The following PKNOX2 variants were observed in gnomAD, a reference collection of about 807,000 sequenced individuals.
PKNOX2 encodes PBX/knotted 1 homeobox 2.
PKNOX2 carries 14 observed loss-of-function variants against 53.1 expected under a neutral mutation model. The observed-to-expected ratio is 0.26, with a 90% CI of 0.17 to 0.41. The LOEUF is 0.41. PKNOX2 is among the 10% of genes least tolerant of loss of function. PKNOX2 has a pLI of 1.00. For missense variants in PKNOX2, 496 were observed against 602.8 expected, an observed-to-expected ratio of 0.82 and a Z score of 1.85; for synonymous variants, 257 against 242.8, an observed-to-expected ratio of 1.06 and a Z score of -0.54.
chr11:125,248,942 G>A (rs930203231), intron 2 of PKNOX2, among the ~76,000 whole-genome samples: 14 of 113,806 alleles, frequency 1.2e-4, no homozygotes, highest in East Asian at 2.6e-4. Context: ...ATTATATAAC[G>A]TATATACATG....
chr11:125,238,172 A>G (rs1432315956), intron 2 of PKNOX2, among the ~76,000 whole-genome samples: 1 of 152,224 alleles, frequency 6.6e-6, no homozygotes, highest in Non-Finnish European at 1.5e-5. Flanking sequence ...GGGGATAGAA[A>G]AAAAGCCCAA....
chr11:125,410,104 G>C lies in PKNOX2; in HGVS notation c.589-92G>C, dbSNP rs553798326. On this transcript the variant is annotated intron_variant, in intron 7 of 12. Coordinates refer to ENST00000298282, the MANE Select transcript of PKNOX2 (RefSeq NM_001382323.2). ...GAGCTAGAAGGAGGGAGGGGGGCAG[G>C]CAGGAAGGGGAAAGGACGGAAGAGG... 268 of 1,498,074 alleles carry C rather than the reference G, an allele frequency of 1.8e-4. 4 individuals carry two copies. The African/African-American group carries it at 3.4e-3, about 19-fold the overall frequency. The allele number at this position is 1,498,074 out of a possible 1,614,324, so 92.8% of individuals were successfully genotyped here. A position where few individuals can be genotyped will look rare whatever the true frequency, so the allele number is the denominator to read the frequency against.
At chr11:125,225,609 C>T (rs977210787) in intron 1 of PKNOX2, among the ~76,000 whole-genome samples, 8 of 152,158 alleles carry the variant, frequency 5.3e-5, no homozygotes, top group Admixed American at 4.6e-4. Context: ...GCACAGCCCA[C>T]GGTAGCAATG....
At chr11:125,334,856 G>A (rs957640696) in intron 3 of PKNOX2, among the ~76,000 whole-genome samples, 1 of 151,774 alleles carries the variant, frequency 6.6e-6, no homozygotes, top group South Asian at 2.1e-4. Flanking sequence ...TGCCTGCCTC[G>A]GCCTCCCAAA....
intron 10 of PKNOX2, among the ~76,000 whole-genome samples, chr11:125,428,684 C>T (rs1416232238): frequency 3.3e-5 from 5 of 152,138 alleles, no homozygotes; most frequent in South Asian, 2.1e-4. Context: ...CTGCTGGGGG[C>T]GGCAGTGAGG....
intron 1 of PKNOX2, among the ~76,000 whole-genome samples, chr11:125,172,402 C>T (rs1955393022): frequency 6.6e-6 from 1 of 152,188 alleles, no homozygotes; most frequent in Non-Finnish European, 1.5e-5. Context: ...CTAAGATCCC[C>T]TTTTTCCCTA....
In PKNOX2 at chr11:125,315,306, A is replaced by AAAAAAAAAAAAAAAAAAAAAAAC. The variant is rs1949093164; in HGVS notation, c.-129-16511_-129-16489dup. Among the ~76,000 whole-genome samples the AAAAAAAAAAAAAAAAAAAAAAAC allele has an allele frequency of 1.7e-5, 2 of 118,962 alleles. 1 individual carries two copies. The highest frequency in any genetic ancestry group is 1.1e-4 in the African/African-American group (2 of 18,236). The allele number at this position is 118,962 out of a possible 152,430, so 78.0% of individuals were successfully genotyped here. Reference sequence around the variant, plus strand: ...CACTTTACTGTTTGTGAAGCAGGAAAAAAAAAAAAAAAAAAAAAAAAACAC... The same window carrying AAAAAAAAAAAAAAAAAAAAAAAC: ...CACTTTACTGTTTGTGAAGCAGGAAAAAAAAAAAAAAAAAAAAAAAAACAAAAAAAAAAAAAAAAAAAAAACAC... On this transcript the variant is annotated intron_variant, in intron 2 of 12. Coordinates refer to ENST00000298282, the MANE Select transcript of PKNOX2 (RefSeq NM_001382323.2).
chr11:125,182,054 A>G (rs935649215), intron 1 of PKNOX2, among the ~76,000 whole-genome samples: 9 of 152,344 alleles, frequency 5.9e-5, no homozygotes, highest in Non-Finnish European at 1.0e-4. Context: ...TGCTCTCCTC[A>G]GCGGAGTTAC....
At chr11:125,393,004 T>TAAA (rs576280119) in intron 6 of PKNOX2, among the ~76,000 whole-genome samples, 11 of 145,464 alleles carry the variant, frequency 7.6e-5, no homozygotes, top group East Asian at 2.0e-4. Flanking sequence ...TAAAAATACA[T>TAAA]AAAAAAAAAA....
intron 2 of PKNOX2, among the ~76,000 whole-genome samples, chr11:125,312,335 C>A (rs1948860234): frequency 6.6e-6 from 1 of 152,126 alleles, no homozygotes. Context: ...AGGGGAGGAC[C>A]AGGAAGGCAA....
chr11:125,313,499 T>A (rs1165383582), intron 2 of PKNOX2, among the ~76,000 whole-genome samples: 1 of 152,202 alleles, frequency 6.6e-6, no homozygotes, highest in Admixed American at 6.5e-5. Flanking sequence ...TCCTGCTGGC[T>A]GTGAGCACTG....
intron 2 of PKNOX2, among the ~76,000 whole-genome samples, chr11:125,270,319 T>C (rs1249706304): frequency 6.6e-6 from 1 of 152,182 alleles, no homozygotes; most frequent in Non-Finnish European, 1.5e-5. Context: ...CCTCTGCAGG[T>C]GGGTGAATGG....
intron 1 of PKNOX2, among the ~76,000 whole-genome samples, chr11:125,202,835 T>G (rs1475170872): frequency 6.6e-6 from 1 of 152,190 alleles, no homozygotes; most frequent in Non-Finnish European, 1.5e-5. Context: ...TTTTTCTTTT[T>G]AGAGATGGGC....
intron 8 of PKNOX2, 75 bp from the exon 9 acceptor site, chr11:125,410,704 G>A: frequency 8.6e-7 from 1 of 1,162,186 alleles, no homozygotes; most frequent in South Asian, 1.3e-5. Flanking sequence ...AGTGCCAAAT[G>A]AACTGGGAAC....
At chr11:125,374,833 G>A (rs1952745822) in intron 5 of PKNOX2, among the ~76,000 whole-genome samples, 1 of 151,844 alleles carries the variant, frequency 6.6e-6, no homozygotes, top group Admixed American at 6.6e-5. Flanking sequence ...AAGGCTCTTG[G>A]TGAATGGTAT....
chr11:125,299,334 A>G (rs79818239), intron 2 of PKNOX2, among the ~76,000 whole-genome samples: 6,337 of 152,052 alleles, frequency 0.042, 412 homozygotes, highest in African/African-American at 0.14. Context: ...AAACATCCAA[A>G]CTAGGTCACA....
At chr11:125,412,748 A>G (rs1429826179) in intron 10 of PKNOX2, among the ~76,000 whole-genome samples, 2 of 152,220 alleles carry the variant, frequency 1.3e-5, no homozygotes, top group African/African-American at 2.4e-5. Flanking sequence ...CACAGATACA[A>G]GACAAATTCC....
At chr11:125,322,140 G>A (rs1420260045) in intron 2 of PKNOX2, among the ~76,000 whole-genome samples, 4 of 152,078 alleles carry the variant, frequency 2.6e-5, no homozygotes, top group African/African-American at 7.2e-5. Context: ...AGAGTCATAG[G>A]CTAGAAGTTA....
At chr11:125,325,303 G>C (rs1949765315) in intron 2 of PKNOX2, among the ~76,000 whole-genome samples, 1 of 152,194 alleles carries the variant, frequency 6.6e-6, no homozygotes, top group Admixed American at 6.5e-5. Context: ...TGGAAGTGCA[G>C]GTGAGGAATA....
Sources: allele counts gnomAD v4.1 joint callset (sites outside exome capture counted in the v4.1 genomes callset), GRCh38; gene constraint gnomAD v4.1.1; transcripts MANE v1.5; gene names NCBI Gene and HGNC (gene_info 2026-07-23, HGNC 2026-07-21).